MBNL2: variants seen among roughly 807,000 people sequenced by gnomAD.
MBNL2 encodes the protein muscleblind like splicing regulator 2.
Under a neutral mutation model 41.9 loss-of-function variants are expected in MBNL2, and 17 were observed. The observed-to-expected ratio is 0.41, with a 90% CI of 0.28 to 0.61. The LOEUF (loss-of-function observed/expected upper bound fraction) is 0.61, where lower values mean the gene tolerates loss of function less well. MBNL2 is among the 20% of genes least tolerant of loss of function. The probability of loss-of-function intolerance (pLI) is 0.35; values close to 1 mark genes in which losing one functional copy is unlikely to be tolerated. For missense variants in MBNL2, 336 were observed against 505.6 expected (o/e 0.66, Z 3.22); for synonymous variants, 195 against 182.9 (o/e 1.07, Z -0.53).
At chr13:97,263,793 T>C (rs1000284435) in intron 1 of MBNL2, among the ~76,000 whole-genome samples, 35 of 151,978 alleles carry the variant, frequency 2.3e-4, no homozygotes, top group Admixed American at 2.6e-4. Context: ...AATTTTTGTA[T>C]TTTTAGTAGA....
chr13:97,301,687 G>A lies in MBNL2; in HGVS notation c.174+25278G>A, dbSNP rs1290717900. Among the ~76,000 whole-genome samples, 4 of 152,180 alleles carry A rather than the reference G, an allele frequency of 2.6e-5. No individual in the cohort carries two copies. In the East Asian group the frequency reaches 5.8e-4, roughly 22 times the overall value. ...GCATTGAGTTCTCCGCCAGCCCCGG[G>A]GGAAAGAAACCCCACAAGTCAGTCC... On this transcript the variant is annotated intron_variant, in intron 2 of 8. Transcript: ENST00000679496.
intron 8 of MBNL2, among the ~76,000 whole-genome samples, chr13:97,381,863 CAT>C (rs1483734600): frequency 6.6e-6 from 1 of 151,674 alleles, no homozygotes; most frequent in East Asian, 1.9e-4. Context: ...TATTATGTAA[CAT>C]ATTGTCTGCA....
At chr13:97,173,869 G>T in the MBNL2 span, among the ~76,000 whole-genome samples, 2 of 152,054 alleles carry the variant, frequency 1.3e-5, no homozygotes, top group Non-Finnish European at 2.9e-5. Context: ...ATTCCTTTAG[G>T]AATCTTGCTT....
At chr13:97,218,434 ACAAAAC>A (rs1224688128), upstream of MBNL2, among the ~76,000 whole-genome samples, 13 of 113,746 alleles carry the variant, frequency 1.1e-4, no homozygotes, top group Admixed American at 2.5e-4. Context: ...ACAAAACAAA[ACAAAAC>A]AAAAAAAAAA....
intron 2 of MBNL2, among the ~76,000 whole-genome samples, chr13:97,286,920 C>T (rs2054574355): frequency 6.6e-6 from 1 of 152,232 alleles, no homozygotes; most frequent in Non-Finnish European, 1.5e-5. Context: ...GGCTGGGAGG[C>T]AGGGACCGCG....
chr13:97,273,568 A>G (rs2051536539), intron 1 of MBNL2, among the ~76,000 whole-genome samples: 1 of 152,358 alleles, frequency 6.6e-6, no homozygotes, highest in South Asian at 2.1e-4. Flanking sequence ...AAGATTGCCA[A>G]CTTCCTTAAA....
intron 2 of MBNL2, among the ~76,000 whole-genome samples, chr13:97,279,731 A>T (rs898998976): frequency 3.9e-5 from 6 of 152,176 alleles, no homozygotes; most frequent in Non-Finnish European, 8.8e-5. Context: ...AGTCAATCTG[A>T]GTCTTTTTTT....
chr13:97,178,933 T>C, the MBNL2 span, among the ~76,000 whole-genome samples: 9 of 152,292 alleles, frequency 5.9e-5, no homozygotes, highest in African/African-American at 2.2e-4. Flanking sequence ...CAATGGTATA[T>C]ATCAAAATAG....
Position 97,334,738 on chromosome 13 carries a change from T to C in MBNL2, c.339+298T>C, listed in dbSNP as rs544409902. Among the ~76,000 whole-genome samples, 260 of 152,362 alleles carry C rather than the reference T, an allele frequency of 1.7e-3. No individual in the cohort carries two copies. The highest frequency in any genetic ancestry group is 2.8e-3 in the Non-Finnish European group (189 of 68,038). ...TCTTAGAACGGAAATAGTTTTAACATGTTCATTTACAGTGTGAATTAATAA... is the reference window on the plus strand; with the variant it reads ...TCTTAGAACGGAAATAGTTTTAACACGTTCATTTACAGTGTGAATTAATAA... On this transcript the variant is annotated intron_variant, in intron 3 of 8. Transcript: ENST00000679496. This position sits in a 1 kb window ranked among gnomAD's most constrained non-coding sequence, Gnocchi z 5.3.
intron 2 of MBNL2, among the ~76,000 whole-genome samples, chr13:97,333,200 A>G (rs1029216017): frequency 3.9e-5 from 6 of 152,206 alleles, no homozygotes; most frequent in African/African-American, 1.4e-4. Flanking sequence ...CTAATTCTTT[A>G]GGGAAGTATG....
the MBNL2 span, among the ~76,000 whole-genome samples, chr13:97,168,113 G>A: frequency 6.6e-6 from 1 of 152,034 alleles, no homozygotes; most frequent in African/African-American, 2.4e-5. Context: ...TTACAGGCAT[G>A]TGCCACCATG....
At chr13:97,310,011 G>C (rs2058446895) in intron 2 of MBNL2, among the ~76,000 whole-genome samples, 2 of 152,222 alleles carry the variant, frequency 1.3e-5, no homozygotes, top group Non-Finnish European at 2.9e-5. Flanking sequence ...ACATTCATTT[G>C]AAGAGATTTA....
chr13:97,198,353 C>T, the MBNL2 span, among the ~76,000 whole-genome samples: 6 of 151,696 alleles, frequency 4.0e-5, no homozygotes, highest in African/African-American at 2.4e-5. Flanking sequence ...TGTTGGCCTT[C>T]GGACTGGAAA....
At chr13:97,303,051 G>A (rs1046366820) in intron 2 of MBNL2, among the ~76,000 whole-genome samples, 2 of 152,120 alleles carry the variant, frequency 1.3e-5, no homozygotes, top group Admixed American at 6.5e-5. Context: ...TTTCCAATTC[G>A]GAGCATTTTG....
chr13:97,239,374 A>G (rs1251587350), intron 1 of MBNL2, among the ~76,000 whole-genome samples: 1 of 152,244 alleles, frequency 6.6e-6, no homozygotes, highest in East Asian at 1.9e-4. Flanking sequence ...ATGCTCAATA[A>G]ATAATGTTTG....
chr13:97,287,326 A>G (rs1454817117), intron 2 of MBNL2, among the ~76,000 whole-genome samples: 1 of 152,220 alleles, frequency 6.6e-6, no homozygotes. Context: ...CTTCACTAGT[A>G]TGCTGTGAAA....
chr13:97,355,494 C>T (rs146308679), intron 5 of MBNL2, among the ~76,000 whole-genome samples: 393 of 152,110 alleles, frequency 2.6e-3, no homozygotes, highest in Non-Finnish European at 4.1e-3. Flanking sequence ...TTAGAGAAAC[C>T]TTAGGGACTT....
At chr13:97,148,665 C>A in the MBNL2 span, among the ~76,000 whole-genome samples, 1 of 152,134 alleles carries the variant, frequency 6.6e-6, no homozygotes, top group Non-Finnish European at 1.5e-5. Context: ...ATCATGCAGA[C>A]TAAGAGGCAG....
intron 8 of MBNL2, among the ~76,000 whole-genome samples, chr13:97,389,273 T>C (rs1424869124): frequency 1.3e-5 from 2 of 152,242 alleles, no homozygotes; most frequent in Non-Finnish European, 2.9e-5. Flanking sequence ...GTTTGCCCAT[T>C]CTAATTTGCC....
Sources: gnomAD v4.1 joint callset for allele counts (sites outside exome capture counted in the v4.1 genomes callset) on GRCh38, gnomAD v4.1.1 for gene constraint, Gnocchi (gnomAD v3.1) non-coding constraint, MANE v1.5 for transcripts, NCBI Gene and HGNC (gene_info 2026-07-23, HGNC 2026-07-21) for gene names.